Variants in THSD7A observed in about 807,000 individuals in gnomAD.
The protein encoded by THSD7A is thrombospondin type-1 domain-containing protein 7A.
THSD7A carries 96 observed loss-of-function variants against 231.3 expected under a neutral mutation model. That is an observed-to-expected ratio of 0.41 (90% CI 0.35 to 0.49). The LOEUF is 0.49. THSD7A is among the 20% of genes least tolerant of loss of function. The pLI is 0.05. For synonymous variants in THSD7A, 940 were observed against 743.3 expected, an observed-to-expected ratio of 1.26 and a Z score of -4.30; for missense variants, 2,290 against 2,070.2, an observed-to-expected ratio of 1.11 and a Z score of -2.06.
At chr7:11,413,388 G>A (rs376531896) in intron 17 of THSD7A, among the ~76,000 whole-genome samples, 7 of 151,622 alleles carry the variant, frequency 4.6e-5, no homozygotes, top group East Asian at 1.9e-4. Flanking sequence ...CTGAGTTCTC[G>A]GCCTTTAGGC....
At chr7:11,682,608 T>C (rs10085466) in intron 1 of THSD7A, among the ~76,000 whole-genome samples, 14,117 of 152,060 alleles carry the variant, frequency 0.093, 2,231 homozygotes, top group African/African-American at 0.32. Flanking sequence ...TTTTATAAAA[T>C]GATTACCACT....
intron 4 of THSD7A, among the ~76,000 whole-genome samples, chr7:11,574,868 T>C (rs1209952263): frequency 1.3e-5 from 2 of 152,176 alleles, no homozygotes; most frequent in African/African-American, 4.8e-5. Context: ...AATAATCGTT[T>C]AGAGGTGAGA....
At chr7:11,423,370 A>ATTTTTTT (rs757122867) in intron 16 of THSD7A, among the ~76,000 whole-genome samples, 1 of 136,208 alleles carries the variant, frequency 7.3e-6, no homozygotes, top group African/African-American at 2.7e-5. Context: ...CGAGTGCTGG[A>ATTTTTTT]TTTTTTTTTT....
intron 4 of THSD7A, among the ~76,000 whole-genome samples, chr7:11,558,486 C>G (rs1242703717): frequency 6.6e-6 from 1 of 152,094 alleles, no homozygotes; most frequent in Non-Finnish European, 1.5e-5. Context: ...AATCCCAAGT[C>G]ACAGAACTTT....
intron 2 of THSD7A, among the ~76,000 whole-genome samples, chr7:11,629,996 A>G (rs1024441979): frequency 6.6e-6 from 1 of 152,212 alleles, no homozygotes; most frequent in African/African-American, 2.4e-5. Flanking sequence ...GACTTGTTCA[A>G]TACTCTGTAG....
chr7:11,739,318 T>C (rs1365536782), intron 1 of THSD7A, among the ~76,000 whole-genome samples: 1 of 151,984 alleles, frequency 6.6e-6, no homozygotes, highest in Admixed American at 6.6e-5. Flanking sequence ...AAGACAGTGT[T>C]AACTTGAAGG....
chr7:11,524,700 A>G (rs1788402342), intron 6 of THSD7A, among the ~76,000 whole-genome samples: 1 of 152,110 alleles, frequency 6.6e-6, no homozygotes, highest in Admixed American at 6.6e-5. Context: ...TCTTATACAC[A>G]TGGACAGTCA....
chr7:11,383,718 C>G (rs1255978876), intron 23 of THSD7A: 10 of 151,992 alleles, frequency 6.6e-5, no homozygotes, highest in Middle Eastern at 3.2e-3. Context: ...AAAAATGTTT[C>G]AGGACATTTG....
chr7:11,485,840 G>T (rs1037355228), intron 6 of THSD7A, among the ~76,000 whole-genome samples: 2 of 152,234 alleles, frequency 1.3e-5, no homozygotes, highest in East Asian at 3.8e-4. Context: ...GACATGCATT[G>T]TTGATGAGTC....
At chr7:11,419,545 T>C (rs1784073830) in intron 16 of THSD7A, among the ~76,000 whole-genome samples, 1 of 152,194 alleles carries the variant, frequency 6.6e-6, no homozygotes, top group Admixed American at 6.5e-5. Context: ...TTACCCCATC[T>C]CAGGTAGTTC....
At chr7:11,508,348 T>C (rs566536286) in intron 6 of THSD7A, among the ~76,000 whole-genome samples, 3 of 152,028 alleles carry the variant, frequency 2.0e-5, no homozygotes, top group East Asian at 3.9e-4. Context: ...ATCAGGTAAA[T>C]GCATATAAAA....
intron 6 of THSD7A, among the ~76,000 whole-genome samples, chr7:11,515,610 T>C (rs945520717): frequency 2.0e-5 from 3 of 152,088 alleles, no homozygotes; most frequent in African/African-American, 7.2e-5. Context: ...CACACAGCTA[T>C]TGTCATAGAA....
At chr7:11,462,851 G>C (rs7776922) in intron 9 of THSD7A, among the ~76,000 whole-genome samples, 4,898 of 152,152 alleles carry the variant, frequency 0.032, 256 homozygotes, top group African/African-American at 0.11. Context: ...TTTCAATAAA[G>C]ACATCAACTT....
intron 6 of THSD7A, among the ~76,000 whole-genome samples, chr7:11,498,601 C>T (rs1018135279): frequency 3.3e-5 from 5 of 152,160 alleles, no homozygotes; most frequent in South Asian, 2.1e-4. Flanking sequence ...GGACCCCCAG[C>T]ACAGCACAGC....
chr7:11,756,621 C>T (rs1053311747), intron 1 of THSD7A, among the ~76,000 whole-genome samples: 1 of 151,876 alleles, frequency 6.6e-6, no homozygotes, highest in Non-Finnish European at 1.5e-5. Context: ...ATTTAGTAAA[C>T]CTGATCATAA....
chr7:11,501,582 TG>T (rs1490250546), intron 6 of THSD7A, among the ~76,000 whole-genome samples: 1 of 152,144 alleles, frequency 6.6e-6, no homozygotes, highest in Admixed American at 6.5e-5. Context: ...TTGAAAATAA[TG>T]AGAACAAAGA....
intron 1 of THSD7A, among the ~76,000 whole-genome samples, chr7:11,695,054 G>C (rs190821690): frequency 6.6e-6 from 1 of 151,560 alleles, no homozygotes; most frequent in Non-Finnish European, 1.5e-5. Flanking sequence ...TTTACAATGA[G>C]AAAACCAAGA....
intron 6 of THSD7A, among the ~76,000 whole-genome samples, chr7:11,492,776 AT>A (rs1786951320): frequency 6.6e-6 from 1 of 152,116 alleles, no homozygotes; most frequent in Admixed American, 6.6e-5. Context: ...AATCATCACC[AT>A]TAAACTTTTC....
intron 11 of THSD7A, among the ~76,000 whole-genome samples, chr7:11,458,984 G>T (rs1362134839): frequency 6.6e-6 from 1 of 152,118 alleles, no homozygotes; most frequent in Non-Finnish European, 1.5e-5. Flanking sequence ...AATCATCCAA[G>T]GTTGTGCAGC....
Sources: gnomAD v4.1 joint callset for allele counts (sites outside exome capture counted in the v4.1 genomes callset) on GRCh38, gnomAD v4.1.1 for gene constraint, MANE v1.5 for transcripts, NCBI Gene and HGNC (gene_info 2026-07-23, HGNC 2026-07-21) for gene names.